UBR3: variants seen among roughly 807,000 people sequenced by gnomAD.
The protein encoded by UBR3 is E3 ubiquitin-protein ligase UBR3.
UBR3 carries 85 observed loss-of-function variants against 243.2 expected under a neutral mutation model. That is an observed-to-expected ratio of 0.35 (90% CI 0.29 to 0.42). The LOEUF is 0.42. Among genes scored for constraint, UBR3 ranks in the 10% least tolerant of loss-of-function variants. The probability of loss-of-function intolerance (pLI) is 1.00; values close to 1 mark genes in which losing one functional copy is unlikely to be tolerated. For missense variants in UBR3, 1,686 were observed against 2,300.8 expected, an observed-to-expected ratio of 0.73 and a Z score of 5.47; for synonymous variants, 748 against 799.8, an observed-to-expected ratio of 0.94 and a Z score of 1.09.
chr2:169,898,012 G>A (rs970596944), intron 8 of UBR3, among the ~76,000 whole-genome samples: 4 of 152,120 alleles, frequency 2.6e-5, no homozygotes, highest in African/African-American at 9.7e-5. Context: ...AGGATTTCCT[G>A]GCTCCTAATG....
intron 5 of UBR3, among the ~76,000 whole-genome samples, chr2:169,882,018 TTA>T (rs1342062105): frequency 2.4e-5 from 3 of 126,080 alleles, no homozygotes; most frequent in Non-Finnish European, 4.7e-5. Flanking sequence ...ATAATATGTA[TTA>T]TATATTATAC....
Position 170,029,308 on chromosome 2 carries a change from T to C in UBR3, c.4454-38T>C, listed in dbSNP as rs749655928. ...TCTGAATTTTGTTCTGTAACAAATGTGTGAACTTTCTAATTACCTTTTCTT... is the reference window on the plus strand; with the variant it reads ...TCTGAATTTTGTTCTGTAACAAATGCGTGAACTTTCTAATTACCTTTTCTT... On this transcript the variant is annotated intron_variant, in intron 30 of 38. Coordinates refer to ENST00000272793, the MANE Select transcript of UBR3 (RefSeq NM_172070.4). 1.4e-5 allele frequency: 22 copies of C among 1,527,994 alleles called. No homozygotes were observed. The South Asian group carries it at 2.6e-4, about 18-fold the overall frequency. The allele number at this position is 1,527,994 out of a possible 1,614,324, so 94.7% of individuals were successfully genotyped here. A position where few individuals can be genotyped will look rare whatever the true frequency, so the allele number is the denominator to read the frequency against.
At chr2:169,898,751 G>C (rs2084693466) in intron 8 of UBR3, among the ~76,000 whole-genome samples, 1 of 148,442 alleles carries the variant, frequency 6.7e-6, no homozygotes, top group Non-Finnish European at 1.5e-5. Flanking sequence ...GCCCAGGCTG[G>C]GGTGCAGTGG....
intron 23 of UBR3, among the ~76,000 whole-genome samples, chr2:169,953,336 A>G (rs1269220285): frequency 6.6e-6 from 1 of 152,200 alleles, no homozygotes; most frequent in African/African-American, 2.4e-5. Context: ...TTCATAATAA[A>G]GGCAGAACAG....
chr2:170,052,105 T>C (rs959039058), intron 32 of UBR3, among the ~76,000 whole-genome samples: 6 of 152,134 alleles, frequency 3.9e-5, no homozygotes, highest in African/African-American at 1.4e-4. Flanking sequence ...CCAAGCCTGC[T>C]CTCATCCTCT....
intron 6 of UBR3, among the ~76,000 whole-genome samples, chr2:169,893,707 G>A (rs752384186): frequency 1.6e-4 from 24 of 152,026 alleles, no homozygotes; most frequent in Non-Finnish European, 3.1e-4. Context: ...GACTACAGGC[G>A]CATGCCACCC....
At chr2:170,037,356 G>A (rs1046628459) in intron 31 of UBR3, among the ~76,000 whole-genome samples, 1 of 151,930 alleles carries the variant, frequency 6.6e-6, no homozygotes, top group African/African-American at 2.4e-5. Flanking sequence ...TCTCCAGAAG[G>A]TTTTTAGAAC....
At chr2:169,999,107 T>C (rs923726978) in intron 26 of UBR3, among the ~76,000 whole-genome samples, 9 of 152,214 alleles carry the variant, frequency 5.9e-5, no homozygotes, top group African/African-American at 2.2e-4. Flanking sequence ...ACTCATTGTT[T>C]CCAGTTTTAA....
chr2:170,009,175 G>A (rs1451958077), intron 29 of UBR3, among the ~76,000 whole-genome samples: 1 of 152,014 alleles, frequency 6.6e-6, no homozygotes, highest in Admixed American at 6.6e-5. Context: ...GTACATGGGG[G>A]AAAGTATGTT....
intron 30 of UBR3, among the ~76,000 whole-genome samples, chr2:170,026,796 T>C (rs1170045129): frequency 2.7e-4 from 41 of 152,130 alleles, no homozygotes; most frequent in Admixed American, 2.7e-3. Flanking sequence ...ACTTTTTATA[T>C]GTCATGCATG....
At position 169,827,536 on chromosome 2, in the gene UBR3, G is replaced by A; in HGVS notation, c.29G>A (p.Gly10Glu). Reference protein sequence around the residue: MAAAAAAAVGGQQPSQPELP... With the variant: MAAAAAAAVEGQQPSQPELP... ...GCGGCGGCGGCCGCGGCGGCCGTCGGGGGCCAGCAGCCGTCACAGCCCGAG... is the reference window on the plus strand; with the variant it reads ...GCGGCGGCGGCCGCGGCGGCCGTCGAGGGCCAGCAGCCGTCACAGCCCGAG... Residue 10 changes from glycine to glutamate, a missense_variant, in exon 1 of 39, where the codon GGG becomes GAG. Coordinates refer to ENST00000272793, the MANE Select transcript of UBR3 (RefSeq NM_172070.4). The A allele has an allele frequency of 8.1e-7, 1 of 1,231,660 alleles. No homozygotes were observed. Among genetic ancestry groups the A allele is most frequent in the Non-Finnish European group, 1.0e-6 (1 of 989,088 alleles). 76.3% of individuals were successfully genotyped at this position (1,231,660 alleles called of 1,614,324 possible). A position where few individuals can be genotyped will look rare whatever the true frequency, so the allele number is the denominator to read the frequency against.
At chr2:169,896,429 A>T in intron 7 of UBR3, 78 bp from the exon 8 acceptor site, 1 of 924,168 alleles carries the variant, frequency 1.1e-6, no homozygotes, top group Non-Finnish European at 1.6e-6. Flanking sequence ...GTAAAATGTT[A>T]ACATGATATA....
chr2:170,063,611 T>G (rs2091496276), intron 35 of UBR3, among the ~76,000 whole-genome samples: 1 of 152,180 alleles, frequency 6.6e-6, no homozygotes, highest in Non-Finnish European at 1.5e-5. Flanking sequence ...CCATTCTGAG[T>G]AGCATGATGA....
intron 1 of UBR3, among the ~76,000 whole-genome samples, chr2:169,855,709 C>T (rs1169904952): frequency 6.6e-6 from 1 of 152,362 alleles, no homozygotes; most frequent in East Asian, 1.9e-4. Flanking sequence ...AAGAATTTTT[C>T]TTAGTACAGA....
intron 27 of UBR3, among the ~76,000 whole-genome samples, chr2:170,001,933 A>AG (rs2089721916): frequency 7.4e-6 from 1 of 135,416 alleles, no homozygotes; most frequent in East Asian, 2.0e-4. Context: ...AAAAAAAAAA[A>AG]AAAAAAAAAG....
At chr2:169,949,561 A>G (rs2086925722) in intron 22 of UBR3, 44 bp from the exon 23 acceptor site, 5 of 1,453,490 alleles carry the variant, frequency 3.4e-6, no homozygotes, top group Non-Finnish European at 4.6e-6. Context: ...ATGATGCTAA[A>G]TAACTTCTCT....
chr2:169,961,878 T>C (rs570856837), intron 24 of UBR3, among the ~76,000 whole-genome samples: 1 of 151,388 alleles, frequency 6.6e-6, no homozygotes, highest in East Asian at 1.9e-4. Context: ...TCCCATGTTT[T>C]TTTTTTTTTT....
At chr2:169,869,463 A>G (rs997941682) in intron 1 of UBR3, among the ~76,000 whole-genome samples, 6 of 152,070 alleles carry the variant, frequency 3.9e-5, no homozygotes, top group East Asian at 1.9e-4. Flanking sequence ...ACCTCAAGCA[A>G]TCCGCCCATG....
intron 26 of UBR3, among the ~76,000 whole-genome samples, chr2:169,995,084 T>G (rs2089430937): frequency 6.6e-6 from 1 of 152,098 alleles, no homozygotes; most frequent in Non-Finnish European, 1.5e-5. Flanking sequence ...GAAAACATAT[T>G]AATTTTTTTA....
Sources: gnomAD v4.1 joint callset for allele counts (sites outside exome capture counted in the v4.1 genomes callset) on GRCh38, gnomAD v4.1.1 for gene constraint, MANE v1.5 for transcripts, NCBI Gene and HGNC (gene_info 2026-07-23, HGNC 2026-07-21) for gene names.